Variants in PTPN9 observed in about 807,000 individuals in gnomAD.
The protein encoded by PTPN9 is tyrosine-protein phosphatase non-receptor type 9.
Under a neutral mutation model 69.8 loss-of-function variants are expected in PTPN9, and 26 were observed. The ratio of observed to expected loss-of-function variants is 0.37; its 90% CI spans 0.27 to 0.52. PTPN9 has a LOEUF of 0.52. PTPN9 is among the 20% of genes least tolerant of loss of function. The probability of loss-of-function intolerance (pLI) is 0.91; values close to 1 mark genes in which losing one functional copy is unlikely to be tolerated. For synonymous variants in PTPN9, 274 were observed against 272.5 expected, an observed-to-expected ratio of 1.01 and a Z score of -0.05; for missense variants, 549 against 740.3, an observed-to-expected ratio of 0.74 and a Z score of 3.00.
chr15:75,483,114 C>T (rs2074653778), intron 8 of PTPN9, among the ~76,000 whole-genome samples: 2 of 152,138 alleles, frequency 1.3e-5, no homozygotes, highest in African/African-American at 4.8e-5. Context: ...ATGTGTAAAC[C>T]CTCCTTATAC....
chr15:75,504,299 T>TG (rs2074799944), intron 7 of PTPN9, among the ~76,000 whole-genome samples: 1 of 82,656 alleles, frequency 1.2e-5, no homozygotes, highest in Admixed American at 1.3e-4. Context: ...GTCCGGGAGG[T>TG]GAGGGGCGCC....
chr15:75,503,541 A>G (rs2074787993), intron 7 of PTPN9, among the ~76,000 whole-genome samples: 1 of 113,880 alleles, frequency 8.8e-6, no homozygotes, highest in Non-Finnish European at 1.9e-5. Context: ...TCCGGGAGGG[A>G]GGTGGGGGGG....
intron 1 of PTPN9, among the ~76,000 whole-genome samples, chr15:75,542,036 AAAAATAAAAT>A (rs138310273): frequency 2.9e-4 from 43 of 149,702 alleles, no homozygotes; most frequent in African/African-American, 6.5e-4. Context: ...ATGCCATCTC[AAAAATAAAAT>A]AAAATAAAAT....
intron 4 of PTPN9, among the ~76,000 whole-genome samples, chr15:75,521,802 A>G (rs142306536): frequency 3.7e-4 from 56 of 152,330 alleles, no homozygotes; most frequent in African/African-American, 1.3e-3. Flanking sequence ...AAGAAGACGG[A>G]TGATGGATAT....
chr15:75,485,460 C>T (rs911027661), intron 8 of PTPN9, among the ~76,000 whole-genome samples: 4 of 149,260 alleles, frequency 2.7e-5, no homozygotes, highest in Non-Finnish European at 5.9e-5. Context: ...GCTCCGCTTC[C>T]CGGGTTCACG....
At chr15:75,571,129 G>A (rs772620084) in intron 1 of PTPN9, among the ~76,000 whole-genome samples, 11 of 151,786 alleles carry the variant, frequency 7.2e-5, no homozygotes, top group Admixed American at 2.6e-4. Flanking sequence ...GTATGGTGGC[G>A]GGCACCTGTA....
intron 1 of PTPN9, among the ~76,000 whole-genome samples, chr15:75,567,502 G>C (rs2075131387): frequency 6.6e-6 from 1 of 152,146 alleles, no homozygotes; most frequent in Non-Finnish European, 1.5e-5. Context: ...AAACACTTCA[G>C]TCCTAAAGTC....
intron 8 of PTPN9, chr15:75,480,597 G>C: frequency 1.9e-6 from 2 of 1,080,470 alleles, no homozygotes; most frequent in Non-Finnish European, 2.3e-6. Context: ...GCTGCGCTGC[G>C]GCCTGGGGCA....
At chr15:75,501,497 C>T (rs1196115545) in intron 7 of PTPN9, among the ~76,000 whole-genome samples, 2 of 133,000 alleles carry the variant, frequency 1.5e-5, no homozygotes, top group Non-Finnish European at 3.1e-5. Context: ...CAAAGTCTTA[C>T]TCTGTCACTT....
At chr15:75,575,208 C>CAAAAAAAAAAAAAAAA (rs2075166543) in intron 1 of PTPN9, among the ~76,000 whole-genome samples, 1 of 34,496 alleles carries the variant, frequency 2.9e-5, no homozygotes. Flanking sequence ...CTCCTGACCT[C>CAAAAAAAAAAAAAAAA]ATGATCCGCC....
intron 1 of PTPN9, among the ~76,000 whole-genome samples, chr15:75,546,871 T>C (rs982384679): frequency 3.3e-5 from 5 of 151,602 alleles, no homozygotes; most frequent in Non-Finnish European, 7.4e-5. Context: ...TCCTTAACAG[T>C]GTGATAGCCA....
In PTPN9 at chr15:75,526,886, A is replaced by G. The variant is rs78120816; in HGVS notation, c.207+232T>C. ...CTGTCAGGCTACTTCCTCCGTCTCA[A>G]TCATTAGATGTGGCATCCTGGTCTA... On this transcript the variant is annotated intron_variant, in intron 2 of 12. Transcript: ENST00000618819. 1.9e-4 allele frequency among the ~76,000 whole-genome samples: 29 copies of G among 152,342 alleles called. No homozygotes were observed. The East Asian group carries it at 5.4e-3, about 28-fold the overall frequency.
intron 7 of PTPN9, among the ~76,000 whole-genome samples, chr15:75,498,411 T>G (rs1282523166): frequency 1.3e-5 from 2 of 151,550 alleles, no homozygotes; most frequent in African/African-American, 4.9e-5. Context: ...GAAGGAGGTA[T>G]ATGTTTACTA....
At chr15:75,562,550 G>C (rs2075108448) in intron 1 of PTPN9, among the ~76,000 whole-genome samples, 1 of 152,048 alleles carries the variant, frequency 6.6e-6, no homozygotes, top group South Asian at 2.1e-4. Flanking sequence ...AATCATCCTA[G>C]GCCGGGCGCG....
At position 75,505,834 on chromosome 15, in the gene PTPN9, G is replaced by A. The variant is rs762017100; in HGVS notation, c.809C>T (p.Pro270Leu). The A allele has an allele frequency of 1.2e-6, 2 of 1,614,156 alleles. No individual in the cohort carries two copies. Among genetic ancestry groups the A allele is most frequent in the Non-Finnish European group, 1.7e-6 (2 of 1,180,026 alleles). Reference sequence around the variant, plus strand: ...TACTGAGTCCCAGTCTAAGGCAGGAGGGAGGGAGAACAGGATGATCTCATC... The same window carrying A: ...TACTGAGTCCCAGTCTAAGGCAGGAAGGAGGGAGAACAGGATGATCTCATC... Reference protein sequence around the residue: ...PFDEIILFSLPPALDWDSVHV... With the variant: ...PFDEIILFSLLPALDWDSVHV... Residue 270 changes from proline to leucine, a missense_variant, in exon 7 of 13, where the codon CCT becomes CTT. Around this residue, in one of 3 missense-constraint regions of PTPN9, gnomAD observed 457 missense variants for 661.9 expected, o/e 0.69. Coordinates refer to ENST00000618819, the MANE Select transcript of PTPN9 (RefSeq NM_002833.4).
At position 75,517,349 on chromosome 15, in the gene PTPN9, CCT is replaced by C; in HGVS notation, c.436_437del (p.Arg146GlufsTer8). 1 of 1,612,588 alleles carries C rather than the reference CCT, an allele frequency of 6.2e-7. No individual in the cohort carries two copies. The highest frequency in any genetic ancestry group is 8.5e-7 in the Non-Finnish European group (1 of 1,179,314). ...DRAVDSFETQ[R>X]NGLVFIYDMC... Reference sequence around the variant, plus strand: ...TGTCATAGATAAACACCAGTCCATTCCTCTGAGTTTCAAAGCTGTAAATCAAC... The same window carrying C: ...TGTCATAGATAAACACCAGTCCATTCCTGAGTTTCAAAGCTGTAAATCAAC... On this transcript the variant is annotated frameshift_variant, in exon 5 of 13. Transcript: ENST00000618819. LOFTEE classifies it high-confidence loss of function.
At chr15:75,510,898 AC>A (rs541172467) in intron 5 of PTPN9, among the ~76,000 whole-genome samples, 296 of 152,272 alleles carry the variant, frequency 1.9e-3, no homozygotes, top group Non-Finnish European at 3.7e-3. Flanking sequence ...GTCCCTAGTA[AC>A]CTTGGTTCTA....
At chr15:75,521,926 A>C (rs1315631972) in intron 4 of PTPN9, among the ~76,000 whole-genome samples, 1 of 152,160 alleles carries the variant, frequency 6.6e-6, no homozygotes, top group African/African-American at 2.4e-5. Context: ...GGCTGGTCTC[A>C]AACTCCCGGG....
chr15:75,569,499 G>C (rs2075139579), intron 1 of PTPN9, among the ~76,000 whole-genome samples: 1 of 152,008 alleles, frequency 6.6e-6, no homozygotes, highest in African/African-American at 2.4e-5. Flanking sequence ...GAGGTCAGGA[G>C]TTCAAGAGCA....
Sources: gnomAD v4.1 joint callset for allele counts (sites outside exome capture counted in the v4.1 genomes callset) on GRCh38, gnomAD v4.1.1 for gene constraint, gnomAD v4.1.1 regional missense constraint, MANE v1.5 for transcripts, NCBI Gene and HGNC (gene_info 2026-07-23, HGNC 2026-07-21) for gene names.